MOG: variants seen among roughly 807,000 people sequenced by gnomAD.
The protein encoded by MOG is myelin-oligodendrocyte glycoprotein.
In MOG, 20 loss-of-function variants were observed where a neutral mutation model predicts 35.9. That is an observed-to-expected ratio of 0.56 (90% CI 0.39 to 0.81). The LOEUF (loss-of-function observed/expected upper bound fraction) is 0.81. Among genes scored for constraint, MOG ranks in the 30% least tolerant of loss-of-function variants. The pLI is 0.00. For missense variants in MOG, 251 were observed against 301.0 expected (o/e 0.83, Z 1.23); for synonymous variants, 92 against 114.3 (o/e 0.80, Z 1.25).
Position 29,667,748 on chromosome 6 carries a change from C to G in MOG, c.571+85C>G, listed in dbSNP as rs184742361. ...ATGGTCCCGTTCTTGGACCGTCTCTCCCTCTCAATACCCTGTTTTCCCCTC... is the reference window on the plus strand; with the variant it reads ...ATGGTCCCGTTCTTGGACCGTCTCTGCCTCTCAATACCCTGTTTTCCCCTC... On this transcript the variant is annotated intron_variant, in intron 4 of 7. Transcript: ENST00000376917. The G allele has an allele frequency of 1.9e-6, 3 of 1,563,270 alleles. No individual in the cohort carries two copies. In the African/African-American group the frequency reaches 4.1e-5, roughly 21 times the overall value.
At position 29,670,256 on chromosome 6, in the gene MOG, C is replaced by T; in HGVS notation, c.593-25C>T. ...GCATGAGGGGGAACACATGTTAACC[C>T]TGTTTGTTCTGGTGAACAATTCAGA... On this transcript the variant is annotated intron_variant, in intron 5 of 7. Coordinates refer to ENST00000376917, the MANE Select transcript of MOG (RefSeq NM_206809.4). The surrounding 1 kb of genome is among the most constrained non-coding windows in gnomAD (Gnocchi z 4.2). The T allele has an allele frequency of 6.2e-7, 1 of 1,614,170 alleles. No homozygotes were observed. The highest frequency in any genetic ancestry group is 8.5e-7 in the Non-Finnish European group (1 of 1,180,034).
chr6:29,661,802 G>A, intron 2 of MOG: 1 of 933,202 alleles, frequency 1.1e-6, no homozygotes, highest in Non-Finnish European at 1.2e-6. Flanking sequence ...GGCAAGAAAA[G>A]TGGAACTCCA....
At position 29,671,230 on chromosome 6, in the gene MOG, A is replaced by C; in HGVS notation, c.*45A>C. 6.2e-7 allele frequency: 1 copy of C among 1,612,642 alleles called. No homozygotes were observed. The highest frequency in any genetic ancestry group is 2.2e-5 in the East Asian group (1 of 44,892). ...GGGGTGGAGGAGAGCCTGGTTGCCC[A>C]GGGATTTGTCCTTGGGGACATCTCA... On this transcript the variant is annotated 3_prime_UTR_variant, in exon 8 of 8. Transcript: ENST00000376917.
At position 29,657,307 on chromosome 6, in the gene MOG, G is replaced by A. The variant is rs1562172023; in HGVS notation, c.88+10G>A. On this transcript the variant is annotated intron_variant, in intron 1 of 7. Coordinates refer to ENST00000376917, the MANE Select transcript of MOG (RefSeq NM_206809.4). ...TCTTCCAGCTATGCAGGTAAGACATGTTTTTTTTCCTGCCCTGGGGAGACC... is the reference window on the plus strand; with the variant it reads ...TCTTCCAGCTATGCAGGTAAGACATATTTTTTTTCCTGCCCTGGGGAGACC... 6.4e-7 allele frequency: 1 copy of A among 1,567,614 alleles called. No homozygotes were observed. Among genetic ancestry groups the A allele is most frequent in the East Asian group, 2.3e-5 (1 of 43,482 alleles).
intron 1 of MOG, among the ~76,000 whole-genome samples, chr6:29,657,904 C>T (rs1412824870): frequency 1.3e-5 from 2 of 152,108 alleles, no homozygotes; most frequent in Non-Finnish European, 2.9e-5. Context: ...CTCAGCCTCC[C>T]AAAGTGCTGA....
chr6:29,666,396 G>GA (rs201351932), intron 3 of MOG, 131 bp downstream of exon 3: 7,800 of 626,806 alleles, frequency 0.012, 88 homozygotes, highest in African/African-American at 0.033. Context: ...GAGTGATAAA[G>GA]AAAAAAAATA....
intron 2 of MOG, 138 bp from the exon 3 acceptor site, chr6:29,666,014 G>A: frequency 1.3e-6 from 1 of 759,336 alleles, no homozygotes; most frequent in Non-Finnish European, 2.4e-6. Context: ...TAAGCTCAGG[G>A]ACCAATTCTG....
chr6:29,669,774 G>A (rs1036196225), intron 5 of MOG, among the ~76,000 whole-genome samples: 3 of 152,172 alleles, frequency 2.0e-5, no homozygotes, highest in African/African-American at 7.2e-5. Context: ...TTGGGGGAAT[G>A]GGTGTTGGTG....
At position 29,657,229 on chromosome 6, in the gene MOG, C is replaced by T. The variant is rs774294291; in HGVS notation, c.20C>T (p.Pro7Leu). MASLSR[P>L]SLPSCLCSFL... ...GTAGAGATGGCAAGCTTATCAAGAC[C>T]CTCTCTGCCCAGCTGCCTCTGCTCC... Residue 7 changes from proline (P) to leucine (L), a missense_variant, in exon 1 of 8, where the codon CCC becomes CTC. Physicochemically the swap from Pro to Leu is moderately conservative, Grantham distance 98 (BLOSUM62 -3). Coordinates refer to ENST00000376917, the MANE Select transcript of MOG (RefSeq NM_206809.4). The T allele has an allele frequency of 3.1e-6, 5 of 1,611,158 alleles. No homozygotes were observed. The African/African-American group carries it at 6.7e-5, about 22-fold the overall frequency.
rs771933300 is a variant in MOG, at chr6:29,662,103, C to G, written c.436+2437C>G. 12 of 985,212 alleles carry G rather than the reference C, an allele frequency of 1.2e-5. No homozygotes were observed. The highest frequency in any genetic ancestry group is 1.4e-5 in the Non-Finnish European group (12 of 829,756). The allele number at this position is 985,212 out of a possible 1,614,324, so 61.0% of individuals were successfully genotyped here. On this transcript the variant is annotated intron_variant, in intron 2 of 7. Coordinates refer to ENST00000376917, the MANE Select transcript of MOG (RefSeq NM_206809.4). This position sits in a 1 kb window ranked among gnomAD's most constrained non-coding sequence, Gnocchi z 4.2. ...TCTTTCTCTGAAGAGTTTCTAATTT[C>G]TCTTGTTTACTTATTTTTTTCTTGT...
At chr6:29,661,464 TCAA>T in intron 2 of MOG, 1 of 985,348 alleles carries the variant, frequency 1.0e-6, no homozygotes, top group Non-Finnish European at 1.2e-6. Flanking sequence ...TCCTTCCTGC[TCAA>T]CAACTTCCTA....
chr6:29,669,982 G>A, intron 5 of MOG: 1 of 658,272 alleles, frequency 1.5e-6, no homozygotes, highest in Non-Finnish European at 2.7e-6. Context: ...TGTTGGCCTG[G>A]CTGGTCTTGA....
chr6:29,659,251 C>A, intron 1 of MOG, 68 bp from the exon 2 acceptor site: 1 of 1,481,812 alleles, frequency 6.7e-7, no homozygotes, highest in Non-Finnish European at 9.4e-7. Flanking sequence ...AGCAGCCCTT[C>A]TCATGACAGG....
At position 29,661,043 on chromosome 6, in the gene MOG, G is replaced by A. The variant is rs138295806; in HGVS notation, c.436+1377G>A. 1.9e-3 allele frequency among the ~76,000 whole-genome samples: 289 copies of A among 152,274 alleles called. 5 individuals carry two copies. Among genetic ancestry groups the A allele is most frequent in the Admixed American group, 0.014 (220 of 15,292 alleles). The stretch of plus-strand genomic sequence containing the variant: ...CATTTTCAACATGTTTTGCATGATG[G>A]GTGATTTTGGAGAATATTTTTTGCT... On this transcript the variant is annotated intron_variant, in intron 2 of 7. Coordinates refer to ENST00000376917, the MANE Select transcript of MOG (RefSeq NM_206809.4).
In MOG at chr6:29,670,225, G is replaced by C; in HGVS notation, c.593-56G>C. On this transcript the variant is annotated intron_variant, in intron 5 of 7. Coordinates refer to ENST00000376917, the MANE Select transcript of MOG (RefSeq NM_206809.4). The surrounding 1 kb of genome is among the most constrained non-coding windows in gnomAD (Gnocchi z 4.2). ...GTTAAGGAACCAAAAAAGACAGGTG[G>C]GTGGGGCATGAGGGGGAACACATGT... The C allele has an allele frequency of 6.2e-7, 1 of 1,614,166 alleles. No homozygotes were observed. Among genetic ancestry groups the C allele is most frequent in the South Asian group, 1.1e-5 (1 of 91,074 alleles).
At position 29,671,255 on chromosome 6, in the gene MOG, A is replaced by T; in HGVS notation, c.*70A>T. On this transcript the variant is annotated 3_prime_UTR_variant, in exon 8 of 8. Coordinates refer to ENST00000376917, the MANE Select transcript of MOG (RefSeq NM_206809.4). ...AGGGATTTGTCCTTGGGGACATCTC[A>T]TCCATCAAGTTGCACACTCACTGGC... 4 of 1,612,026 alleles carry T rather than the reference A, an allele frequency of 2.5e-6. No homozygotes were observed. The highest frequency in any genetic ancestry group is 3.4e-6 in the Non-Finnish European group (4 of 1,179,830).
chr6:29,661,501 A>G (rs1768725466), intron 2 of MOG: 1 of 985,140 alleles, frequency 1.0e-6, no homozygotes, highest in Admixed American at 6.2e-5. Flanking sequence ...CTCTCCCAAC[A>G]AACTCCCTCA....
intron 3 of MOG, 115 bp from the exon 4 acceptor site, chr6:29,667,528 G>T (rs1278263589): frequency 2.9e-6 from 3 of 1,023,402 alleles, no homozygotes; most frequent in Non-Finnish European, 4.6e-6. Flanking sequence ...TCCTGAGGTT[G>T]TTTCCAGGCT....
At position 29,670,629 on chromosome 6, in the gene MOG, T is replaced by C; in HGVS notation, c.710-72T>C. On this transcript the variant is annotated intron_variant, in intron 6 of 7. Coordinates refer to ENST00000376917, the MANE Select transcript of MOG (RefSeq NM_206809.4). The surrounding 1 kb of genome is among the most constrained non-coding windows in gnomAD (Gnocchi z 4.2). The stretch of plus-strand genomic sequence containing the variant: ...AGGGCAGTGTGGGTCACTCCAAATG[T>C]CCATAGGGAGGATGTGGGGAAGGTG... 2 of 1,597,308 alleles carry C rather than the reference T, an allele frequency of 1.3e-6. No homozygotes were observed.
Sources: allele counts gnomAD v4.1 joint callset (sites outside exome capture counted in the v4.1 genomes callset), GRCh38; gene constraint gnomAD v4.1.1; non-coding constraint Gnocchi (gnomAD v3.1); transcripts MANE v1.5; gene names NCBI Gene and HGNC (gene_info 2026-07-23, HGNC 2026-07-21).